SPPL2B: variants seen among roughly 807,000 people sequenced by gnomAD.
SPPL2B encodes the protein signal peptide peptidase-like 2B.
In SPPL2B, 39 loss-of-function variants were observed where a neutral mutation model predicts 59.7. The observed-to-expected ratio is 0.65, with a 90% CI of 0.51 to 0.85. The LOEUF is 0.85. SPPL2B is among the 40% of genes least tolerant of loss of function. The pLI, the probability that SPPL2B is intolerant of heterozygous loss-of-function variation, is 0.00. For synonymous variants in SPPL2B, 419 were observed against 370.8 expected, an observed-to-expected ratio of 1.13 and a Z score of -1.49; for missense variants, 865 against 849.0, an observed-to-expected ratio of 1.02 and a Z score of -0.23.
At chr19:2,339,389 G>A (rs1287667550) in intron 5 of SPPL2B, among the ~76,000 whole-genome samples, 181 bp downstream of exon 5, 6 of 152,236 alleles carry the variant, frequency 3.9e-5, no homozygotes, top group Non-Finnish European at 8.8e-5. Context: ...TTCCTGCCAG[G>A]GTGGGCTCCG....
At chr19:2,351,164 C>T (rs548609037) in intron 13 of SPPL2B, among the ~76,000 whole-genome samples, 19 of 152,248 alleles carry the variant, frequency 1.2e-4, no homozygotes, top group Non-Finnish European at 2.5e-4. Context: ...GACCCTGCCC[C>T]TCCCTGTCCC....
At position 2,344,050 on chromosome 19, in the gene SPPL2B, G is replaced by A. The variant is rs750739210; in HGVS notation, c.1113+11G>A. 2.6e-6 allele frequency: 4 copies of A among 1,540,814 alleles called. No homozygotes were observed. In the South Asian group the frequency reaches 3.6e-5, roughly 14 times the overall value. ...CCCTTCCTGACCAAGGTAGGCGACT[G>A]CCTGTCCCTGCTCCACCCCATCACC... On this transcript the variant is annotated intron_variant, in intron 10 of 14. Coordinates refer to ENST00000613503, the MANE Select transcript of SPPL2B (RefSeq NM_152988.3).
chr19:2,339,794 G>GGGCCCCAC (rs1968904522), intron 5 of SPPL2B, 30 bp from the exon 6 acceptor site: 1 of 1,595,530 alleles, frequency 6.3e-7, no homozygotes, highest in African/African-American at 1.3e-5. Context: ...GCCGGCCCCA[G>GGGCCCCAC]GGCCCCACGA....
In SPPL2B at chr19:2,353,124, T is replaced by C. The variant is rs896328012; in HGVS notation, c.1694T>C (p.Met565Thr). The change falls in exon 15 of 15, where the codon ATG becomes ACG. Residue 565 changes from methionine to threonine, a missense_variant. Physicochemically the swap from Met to Thr is moderately conservative, Grantham distance 81. Coordinates refer to ENST00000613503, the MANE Select transcript of SPPL2B (RefSeq NM_152988.3). ...GAGGAGATGGGGGCTGGAGCCCCCA[T>C]GCGGGAGCCTGGGAGCCCAGCTGAA... ...TSEEMGAGAP[M>T]REPGSPAESE... 1 of 1,610,684 alleles carries C rather than the reference T, an allele frequency of 6.2e-7. No individual in the cohort carries two copies. The highest frequency in any genetic ancestry group is 1.1e-5 in the South Asian group (1 of 90,958).
intron 13 of SPPL2B, among the ~76,000 whole-genome samples, chr19:2,350,798 G>A (rs146009156): frequency 5.9e-5 from 9 of 152,244 alleles, no homozygotes; most frequent in African/African-American, 2.2e-4. Context: ...ACCAGTTTAC[G>A]TCAGGGACAT....
At chr19:2,350,479 GCTTTCATTCGCTTGATTCCATTCTCTCT>G (rs1254767095) in intron 13 of SPPL2B, among the ~76,000 whole-genome samples, 251 of 150,770 alleles carry the variant, frequency 1.7e-3, no homozygotes, top group African/African-American at 5.7e-3. Context: ...ACACACTCAC[GCTTTCATTCGCTTGATTCCATTCTCTCT>G]CTCTCCACAC....
intron 1 of SPPL2B, chr19:2,330,860 G>A (rs1368986138): frequency 6.6e-6 from 1 of 152,356 alleles, no homozygotes; most frequent in East Asian, 1.9e-4. Context: ...GGAGTCAAAG[G>A]ATGTGTCAGA....
At chr19:2,340,527 G>A (rs1968967007) in intron 7 of SPPL2B, 2 of 587,852 alleles carry the variant, frequency 3.4e-6, no homozygotes, top group East Asian at 3.4e-5. Context: ...GGGAGCTGCT[G>A]GGGGGTCTCC....
Position 2,353,608 on chromosome 19 carries a change from T to G in SPPL2B, c.*399T>G, listed in dbSNP as rs538396286. 77 of 200,118 alleles carry G rather than the reference T, an allele frequency of 3.8e-4. No individual in the cohort carries two copies. In the East Asian group the frequency reaches 0.01, roughly 26 times the overall value. 12.4% of individuals were successfully genotyped at this position (200,118 alleles called of 1,614,324 possible). ...TGCTTCGGCCTTCAGGTGACCTCCC[T>G]CCCCACGGCATCCTGCTCTCCGGGT... is the stretch of plus-strand genomic sequence containing the variant. On this transcript the variant is annotated 3_prime_UTR_variant, in exon 15 of 15. Transcript: ENST00000613503.
chr19:2,341,206 G>A (rs1307554207), intron 8 of SPPL2B, 192 bp downstream of exon 8: 10 of 694,432 alleles, frequency 1.4e-5, no homozygotes, highest in African/African-American at 1.1e-4. Context: ...GGGTTTGTCC[G>A]GGTGTCATGG....
chr19:2,340,008 G>GC, intron 6 of SPPL2B, 42 bp downstream of exon 6: 1 of 1,553,866 alleles, frequency 6.4e-7, no homozygotes. Context: ...TGGAGATGCA[G>GC]CCCGCCCCGT....
intron 2 of SPPL2B, chr19:2,337,150 C>T: frequency 3.1e-6 from 1 of 319,672 alleles, no homozygotes. Flanking sequence ...TGGGGACCCA[C>T]TTGGTCTTGC....
chr19:2,333,501 C>T (rs1315065929), intron 1 of SPPL2B, among the ~76,000 whole-genome samples: 1 of 152,216 alleles, frequency 6.6e-6, no homozygotes, highest in Non-Finnish European at 1.5e-5. Context: ...TAGCTCCATC[C>T]TGCTCTGTTA....
chr19:2,350,339 C>A (rs758097178), intron 13 of SPPL2B, among the ~76,000 whole-genome samples: 1 of 149,998 alleles, frequency 6.7e-6, no homozygotes, highest in African/African-American at 2.5e-5. Context: ...CACACACACT[C>A]ACGTGCTCTC....
At position 2,355,090 on chromosome 19, in the gene SPPL2B, A is replaced by T. The variant is rs1462217080; in HGVS notation, c.*1881A>T. On this transcript the variant is annotated 3_prime_UTR_variant, in exon 15 of 15. Transcript: ENST00000613503. ...TACCTTTTACAAAATTAAAATAGAG[A>T]TGGGGTCTTGCAGTGTTGCTGAGGC... is the stretch of plus-strand genomic sequence containing the variant. Among the ~76,000 whole-genome samples the T allele has an allele frequency of 6.6e-6, 1 of 152,094 alleles. No homozygotes were observed. Among genetic ancestry groups the T allele is most frequent in the Admixed American group, 6.6e-5 (1 of 15,264 alleles).
chr19:2,348,720 A>ATG (rs1969662403), intron 13 of SPPL2B, among the ~76,000 whole-genome samples: 1 of 82,612 alleles, frequency 1.2e-5, no homozygotes, highest in African/African-American at 6.5e-5. Context: ...ACACACACTC[A>ATG]CGCTCTCATT....
chr19:2,346,753 C>A (rs1305267059), intron 13 of SPPL2B, among the ~76,000 whole-genome samples: 1 of 152,196 alleles, frequency 6.6e-6, no homozygotes, highest in African/African-American at 2.4e-5. Context: ...CAAGTTGTCC[C>A]TGTAATTCCT....
chr19:2,334,766 G>A, intron 2 of SPPL2B, 45 bp downstream of exon 2: 1 of 1,478,324 alleles, frequency 6.8e-7, no homozygotes, highest in Admixed American at 2.4e-5. Context: ...AGAATGCGGG[G>A]GCCCCGGGGC....
At position 2,328,722 on chromosome 19, in the gene SPPL2B, GTGGCGGCTGCGC is replaced by G. The variant is rs753108941; in HGVS notation, c.19_30del (p.Ala7_Ala10del). 87 of 1,452,546 alleles carry G rather than the reference GTGGCGGCTGCGC, an allele frequency of 6.0e-5. 1 individual carries two copies. Among genetic ancestry groups the G allele is most frequent in the South Asian group, 1.9e-4 (14 of 72,468 alleles). 90.0% of individuals were successfully genotyped at this position (1,452,546 alleles called of 1,614,324 possible). A position where few individuals can be genotyped will look rare whatever the true frequency, so the allele number is the denominator to read the frequency against. On this transcript the variant is annotated inframe_deletion, in exon 1 of 15. Transcript: ENST00000613503. ...GGCACCGGCCGACATGGCGGCAGCG[GTGGCGGCTGCGC>G]TGGCGCGGCTTTTGGCGGCCTTTCT...
Sources: allele counts gnomAD v4.1 joint callset (sites outside exome capture counted in the v4.1 genomes callset), GRCh38; gene constraint gnomAD v4.1.1; transcripts MANE v1.5; gene names NCBI Gene and HGNC (gene_info 2026-07-23, HGNC 2026-07-21).